AKAIN1: variants seen among roughly 807,000 people sequenced by gnomAD.
AKAIN1 encodes the protein A-kinase anchor protein inhibitor 1.
In AKAIN1, 3 loss-of-function variants were observed where a neutral mutation model predicts 3.7. That is an observed-to-expected ratio of 0.82 (90% confidence interval 0.37 to 2.12). The LOEUF (loss-of-function observed/expected upper bound fraction) is 2.12, where lower values mean the gene tolerates loss of function less well. Among genes scored for constraint, AKAIN1 ranks in the 30% most tolerant of loss-of-function variants. The pLI, the probability that AKAIN1 is intolerant of heterozygous loss-of-function variation, is 0.06. For missense variants in AKAIN1, 82 were observed against 82.7 expected (o/e 0.99, Z 0.03); for synonymous variants, 31 against 30.8 (o/e 1.01, Z -0.02).
intron 1 of AKAIN1, among the ~76,000 whole-genome samples, chr18:5,176,843 T>C (rs1200548792): frequency 6.6e-6 from 1 of 151,746 alleles, no homozygotes; most frequent in African/African-American, 2.4e-5. Context: ...CCTGCACCTA[T>C]ATACTGCTTG....
chr18:5,150,754 G>C (rs1248736579), intron 1 of AKAIN1, among the ~76,000 whole-genome samples: 1 of 152,160 alleles, frequency 6.6e-6, no homozygotes, highest in East Asian at 1.9e-4. Context: ...CCAGTGGAAG[G>C]TGTCTAAGGA....
At chr18:5,196,304 T>A (rs1410951968) in intron 1 of AKAIN1, among the ~76,000 whole-genome samples, 1 of 152,246 alleles carries the variant, frequency 6.6e-6, no homozygotes, top group Admixed American at 6.5e-5. Context: ...TGGCCTCCCT[T>A]GCTCCAGTGG....
At chr18:5,147,998 C>A (rs1385054010) in intron 1 of AKAIN1, among the ~76,000 whole-genome samples, 1 of 152,210 alleles carries the variant, frequency 6.6e-6, no homozygotes, top group East Asian at 1.9e-4. Flanking sequence ...AGGTACTTCA[C>A]CTCAGTAAGC....
chr18:5,188,702 C>A (rs368092709), intron 1 of AKAIN1, among the ~76,000 whole-genome samples: 4 of 152,192 alleles, frequency 2.6e-5, no homozygotes, highest in African/African-American at 9.6e-5. Context: ...TAAATTCTAC[C>A]ATAAATGTCA....
intron 1 of AKAIN1, among the ~76,000 whole-genome samples, chr18:5,192,652 G>T (rs540942661): frequency 6.6e-6 from 1 of 151,944 alleles, no homozygotes; most frequent in Admixed American, 6.6e-5. Flanking sequence ...TCTATGATTT[G>T]TAAGCCATTC....
intron 1 of AKAIN1, among the ~76,000 whole-genome samples, chr18:5,147,368 C>T (rs1357066971): frequency 6.6e-6 from 1 of 152,132 alleles, no homozygotes; most frequent in Non-Finnish European, 1.5e-5. Flanking sequence ...AATACGAACT[C>T]ATGCATGGTA....
upstream of AKAIN1, chr18:5,197,330 G>A: frequency 1.5e-6 from 2 of 1,311,984 alleles, no homozygotes; most frequent in Non-Finnish European, 1.9e-6. This position sits in a 1 kb window ranked among gnomAD's most constrained non-coding sequence, Gnocchi z 6.9. Context: ...TGCCAGCTCG[G>A]CGACGTACAC....
intron 1 of AKAIN1, among the ~76,000 whole-genome samples, chr18:5,194,660 T>G (rs1027677626): frequency 2.0e-5 from 3 of 152,194 alleles, no homozygotes; most frequent in Non-Finnish European, 2.9e-5. Flanking sequence ...TGCCCTCCTG[T>G]GCTAAAATCC....
chr18:5,145,600 C>T lies in AKAIN1; in HGVS notation c.172G>A (p.Gly58Ser). 6.4e-7 allele frequency: 1 copy of T among 1,551,598 alleles called. No homozygotes were observed. Among genetic ancestry groups the T allele is most frequent in the Non-Finnish European group, 8.7e-7 (1 of 1,146,950 alleles). ...TGCTTCTTGGTTAACTCCCCAACGC[C>T]CAGTTGGATGTGGTCCCGGTTGTCA... ...ISDNRDHIQL[G>S]VGELTKKHEK... Residue 58 changes from glycine to serine, a missense_variant, in exon 2 of 2, where the codon GGC becomes AGC. Coordinates refer to ENST00000434239, the MANE Select transcript of AKAIN1 (RefSeq NM_001145194.2).
In AKAIN1 at chr18:5,143,565, T is replaced by A. The variant is rs1403408091; in HGVS notation, c.*1997A>T. Among the ~76,000 whole-genome samples, 2 of 152,226 alleles carry A rather than the reference T, an allele frequency of 1.3e-5. No homozygotes were observed. Among genetic ancestry groups the A allele is most frequent in the Non-Finnish European group, 2.9e-5 (2 of 68,040 alleles). On this transcript the variant is annotated 3_prime_UTR_variant, in exon 2 of 2. Transcript: ENST00000434239. Reference sequence around the variant, plus strand: ...GGGCCCATTAAGGAAGCACTTCCCCTGGTCATGATATCTAGGGGTTTGAAA... The same window carrying A: ...GGGCCCATTAAGGAAGCACTTCCCCAGGTCATGATATCTAGGGGTTTGAAA...
chr18:5,184,066 G>A (rs2071273984), intron 1 of AKAIN1, among the ~76,000 whole-genome samples: 1 of 151,986 alleles, frequency 6.6e-6, no homozygotes, highest in Non-Finnish European at 1.5e-5. Flanking sequence ...AATAGAACAC[G>A]AAAAGAACAT....
At chr18:5,169,172 T>C (rs1410900105) in intron 1 of AKAIN1, among the ~76,000 whole-genome samples, 3 of 152,072 alleles carry the variant, frequency 2.0e-5, no homozygotes, top group African/African-American at 4.8e-5. Flanking sequence ...AAGAGAATCT[T>C]CTTTATTGGG....
chr18:5,186,165 A>G (rs974552), intron 1 of AKAIN1, among the ~76,000 whole-genome samples: 21,974 of 152,058 alleles, frequency 0.14, 2,050 homozygotes, highest in Middle Eastern at 0.27. Context: ...AGTGGGAGCT[A>G]AATATTGAGT....
intron 1 of AKAIN1, among the ~76,000 whole-genome samples, chr18:5,158,495 C>T (rs566321434): frequency 7.0e-4 from 106 of 152,324 alleles, no homozygotes; most frequent in African/African-American, 2.4e-3. Context: ...TCTGCCATCT[C>T]CTAGCTTCTT....
intron 1 of AKAIN1, among the ~76,000 whole-genome samples, chr18:5,146,132 G>T (rs900530038): frequency 8.5e-5 from 13 of 152,074 alleles, no homozygotes; most frequent in South Asian, 2.1e-4. Context: ...CTTTTATTGG[G>T]TTTTTTCCAA....
intron 1 of AKAIN1, among the ~76,000 whole-genome samples, chr18:5,149,588 T>TAG (rs2071069048): frequency 6.6e-6 from 1 of 152,204 alleles, no homozygotes; most frequent in Non-Finnish European, 1.5e-5. Flanking sequence ...CTCCGCTTCT[T>TAG]CTAGAGTCTC....
chr18:5,155,306 C>G (rs534359912), intron 1 of AKAIN1, among the ~76,000 whole-genome samples: 1 of 152,276 alleles, frequency 6.6e-6, no homozygotes, highest in East Asian at 1.9e-4. Flanking sequence ...CTGAAAACTC[C>G]ACTCTGGGCT....
intron 1 of AKAIN1, among the ~76,000 whole-genome samples, chr18:5,168,692 T>C (rs541916472): frequency 6.6e-6 from 1 of 151,926 alleles, no homozygotes; most frequent in East Asian, 1.9e-4. Context: ...ACAGACCAGG[T>C]AATATCATCC....
intron 1 of AKAIN1, among the ~76,000 whole-genome samples, chr18:5,175,469 A>G (rs1461522199): frequency 1.3e-5 from 2 of 152,176 alleles, no homozygotes; most frequent in African/African-American, 2.4e-5. Context: ...TTACTTCCCT[A>G]TATTGGCCAA....
Sources: allele counts gnomAD v4.1 joint callset (sites outside exome capture counted in the v4.1 genomes callset), GRCh38; gene constraint gnomAD v4.1.1; non-coding constraint Gnocchi (gnomAD v3.1); transcripts MANE v1.5; gene names NCBI Gene and HGNC (gene_info 2026-07-23, HGNC 2026-07-21).